The following NRXN1 variants were observed in gnomAD, a reference collection of about 807,000 sequenced individuals.
NRXN1 encodes neurexin 1, also known as neurexin-1.
A neutral mutation model predicts 150.9 loss-of-function variants in NRXN1; 39 were observed. The observed-to-expected ratio is 0.26, with a 90% CI of 0.20 to 0.34. The LOEUF (loss-of-function observed/expected upper bound fraction) is 0.34, where lower values mean the gene tolerates loss of function less well. Ranked by LOEUF, NRXN1 falls within the 10% of genes least tolerant of loss-of-function variation. NRXN1 has a pLI of 1.00. For synonymous variants in NRXN1, 924 were observed against 757.0 expected (o/e 1.22, Z -3.62); for missense variants, 1,815 against 1,949.9 (o/e 0.93, Z 1.30).
chr2:50,744,249 T>G (rs912709200), intron 5 of NRXN1, among the ~76,000 whole-genome samples: 5 of 152,076 alleles, frequency 3.3e-5, no homozygotes, highest in Non-Finnish European at 7.4e-5. Context: ...ACAATAATAT[T>G]TTAATAATGA....
At chr2:50,895,027 C>T (rs925160477) in intron 5 of NRXN1, among the ~76,000 whole-genome samples, 1 of 152,140 alleles carries the variant, frequency 6.6e-6, no homozygotes, top group Non-Finnish European at 1.5e-5. Flanking sequence ...ACAACCATGA[C>T]AAGCCAATAA....
At chr2:49,934,171 T>C (rs1023450041) in intron 22 of NRXN1, among the ~76,000 whole-genome samples, 3 of 152,216 alleles carry the variant, frequency 2.0e-5, no homozygotes, top group Non-Finnish European at 2.9e-5. Context: ...GACTATTCTT[T>C]GGTAATAAAT....
At chr2:50,094,546 A>G (rs1699974872) in intron 18 of NRXN1, among the ~76,000 whole-genome samples, 1 of 152,120 alleles carries the variant, frequency 6.6e-6, no homozygotes, top group Admixed American at 6.5e-5. Flanking sequence ...ATTTGACTAT[A>G]ACTGAGAAAT....
intron 18 of NRXN1, among the ~76,000 whole-genome samples, chr2:50,112,795 AT>A (rs1213436854): frequency 6.6e-6 from 1 of 152,194 alleles, no homozygotes; most frequent in African/African-American, 2.4e-5. Context: ...GATTAAAAAA[AT>A]AAAATGTTTA....
intron 8 of NRXN1, among the ~76,000 whole-genome samples, chr2:50,568,673 A>T (rs1466664974): frequency 6.6e-6 from 1 of 152,068 alleles, no homozygotes; most frequent in African/African-American, 2.4e-5. Flanking sequence ...GAAAAGGGAA[A>T]CCCTTGTACA....
intron 18 of NRXN1, among the ~76,000 whole-genome samples, chr2:50,099,693 A>G (rs1558876736): frequency 6.6e-6 from 1 of 152,118 alleles, no homozygotes; most frequent in African/African-American, 2.4e-5. Flanking sequence ...TTATATAGAC[A>G]TTTCGGTTTT....
intron 5 of NRXN1, among the ~76,000 whole-genome samples, chr2:50,779,898 G>C (rs1020057510): frequency 6.6e-6 from 1 of 152,170 alleles, no homozygotes; most frequent in Non-Finnish European, 1.5e-5. Flanking sequence ...TGGGATTGCT[G>C]GATCAAATGG....
chr2:50,670,132 G>A lies in NRXN1; in HGVS notation c.833-46517C>T, dbSNP rs78757870. On this transcript the variant is annotated intron_variant, in intron 5 of 22. Coordinates refer to ENST00000401669, the MANE Select transcript of NRXN1 (RefSeq NM_001330078.2). ...TAGGGAAAATATGAATCTTAAGAGC[G>A]TTGCACTATGTATCTAATGAATAAA... is the stretch of plus-strand genomic sequence containing the variant. Among the ~76,000 whole-genome samples the A allele has an allele frequency of 9.0e-3, 1,371 of 151,504 alleles. 30 individuals are homozygous for A. The highest frequency in any genetic ancestry group is 0.031 in the African/African-American group (1,281 of 41,398).
At chr2:50,721,138 G>C (rs529526164) in intron 5 of NRXN1, among the ~76,000 whole-genome samples, 1 of 152,238 alleles carries the variant, frequency 6.6e-6, no homozygotes, top group East Asian at 1.9e-4. Flanking sequence ...GACTCAGCTG[G>C]AGTGGACTCT....
At chr2:50,765,764 G>A (rs985285893) in intron 5 of NRXN1, among the ~76,000 whole-genome samples, 1 of 152,002 alleles carries the variant, frequency 6.6e-6, no homozygotes, top group Non-Finnish European at 1.5e-5. Context: ...GGAAGCAGGT[G>A]AAAAACAATA....
chr2:50,447,561 T>C (rs1343097450), intron 17 of NRXN1, among the ~76,000 whole-genome samples: 1 of 144,680 alleles, frequency 6.9e-6, no homozygotes, highest in Non-Finnish European at 1.5e-5. Flanking sequence ...TATATACATA[T>C]ATATATATTT....
intron 12 of NRXN1, among the ~76,000 whole-genome samples, chr2:50,507,779 T>C (rs947661593): frequency 2.0e-5 from 3 of 152,036 alleles, no homozygotes; most frequent in South Asian, 2.1e-4. Flanking sequence ...TGGTAATGAA[T>C]TTTTTCCCTG....
At position 50,695,874 on chromosome 2, in the gene NRXN1, G is replaced by A. The variant is rs1012193697; in HGVS notation, c.833-72259C>T. On this transcript the variant is annotated intron_variant, in intron 5 of 22. Transcript: ENST00000401669. ...TTTTTTTTTTTTGAGATGGAGCTTCGCTCTTTCACTCAGGCTGGAGTGCAG... is the reference window on the plus strand; with the variant it reads ...TTTTTTTTTTTTGAGATGGAGCTTCACTCTTTCACTCAGGCTGGAGTGCAG... Among the ~76,000 whole-genome samples, 13 of 126,932 alleles carry A rather than the reference G, an allele frequency of 1.0e-4. 1 individual carries two copies. The highest frequency in any genetic ancestry group is 1.7e-4 in the Non-Finnish European group (11 of 64,132). 83.3% of individuals were successfully genotyped at this position (126,932 alleles called of 152,430 possible).
intron 21 of NRXN1, among the ~76,000 whole-genome samples, chr2:49,946,940 G>A (rs760102449): frequency 5.3e-5 from 8 of 152,062 alleles, no homozygotes; most frequent in African/African-American, 1.2e-4. Context: ...CAATTGGCAC[G>A]ATAATCATGT....
intron 17 of NRXN1, among the ~76,000 whole-genome samples, chr2:50,460,929 T>C (rs897826069): frequency 4.6e-5 from 7 of 152,042 alleles, no homozygotes; most frequent in Non-Finnish European, 1.0e-4. Context: ...TATTCAGCCC[T>C]AAGTGACACC....
chr2:50,095,902 C>A (rs572502067), intron 18 of NRXN1, among the ~76,000 whole-genome samples: 1 of 151,668 alleles, frequency 6.6e-6, no homozygotes, highest in African/African-American at 2.4e-5. Flanking sequence ...TCGTCATTGA[C>A]ATTAGGTGTA....
chr2:50,445,172 G>A (rs541896774), intron 17 of NRXN1, among the ~76,000 whole-genome samples: 1 of 152,210 alleles, frequency 6.6e-6, no homozygotes, highest in Admixed American at 6.5e-5. Context: ...AGTCCTGCTG[G>A]ATGGCCCGCA....
intron 5 of NRXN1, among the ~76,000 whole-genome samples, chr2:50,826,135 G>A (rs1172349301): frequency 6.6e-6 from 1 of 152,164 alleles, no homozygotes; most frequent in Non-Finnish European, 1.5e-5. Context: ...GTGGTTGAGA[G>A]GGACTGGGGG....
intron 17 of NRXN1, among the ~76,000 whole-genome samples, chr2:50,438,129 T>C (rs1037842211): frequency 6.6e-6 from 1 of 152,108 alleles, no homozygotes; most frequent in Non-Finnish European, 1.5e-5. Context: ...ATCAAAAAAA[T>C]TTTCCCAGGT....
Sources: gnomAD v4.1 joint callset for allele counts (sites outside exome capture counted in the v4.1 genomes callset) on GRCh38, gnomAD v4.1.1 for gene constraint, MANE v1.5 for transcripts, NCBI Gene and HGNC (gene_info 2026-07-23, HGNC 2026-07-21) for gene names.